The following CHST8 variants were observed in gnomAD, a reference collection of about 807,000 sequenced individuals.
CHST8 encodes carbohydrate sulfotransferase 8.
In CHST8, 10 loss-of-function variants were observed where a neutral mutation model predicts 15.0. The ratio of observed to expected loss-of-function variants is 0.67; its 90% CI spans 0.41 to 1.13. The LOEUF is 1.13. Ranked by LOEUF, CHST8 falls within the 50% of genes most tolerant of loss-of-function variation. The pLI is 0.00. For synonymous variants in CHST8, 259 were observed against 256.6 expected (o/e 1.01, Z -0.09); for missense variants, 634 against 608.2 (o/e 1.04, Z -0.45).
chr19:33,712,852 C>A (rs1477624076), intron 3 of CHST8, among the ~76,000 whole-genome samples: 1 of 152,144 alleles, frequency 6.6e-6, no homozygotes, highest in Non-Finnish European at 1.5e-5. Flanking sequence ...GCCCTGATCA[C>A]CCTCTGCCCT....
chr19:33,755,967 G>A (rs997182684), intron 3 of CHST8, among the ~76,000 whole-genome samples: 1 of 152,092 alleles, frequency 6.6e-6, no homozygotes, highest in Non-Finnish European at 1.5e-5. Flanking sequence ...GGGAATTCAG[G>A]GACCTCGGGC....
At chr19:33,636,710 G>A (rs1972208973) in intron 1 of CHST8, among the ~76,000 whole-genome samples, 1 of 152,262 alleles carries the variant, frequency 6.6e-6, no homozygotes, top group South Asian at 2.1e-4. Flanking sequence ...AGACGAGCCC[G>A]GCTAACATGG....
intron 2 of CHST8, among the ~76,000 whole-genome samples, chr19:33,679,051 T>C (rs1972849661): frequency 6.6e-6 from 1 of 152,190 alleles, no homozygotes; most frequent in Non-Finnish European, 1.5e-5. Context: ...GGGAGAGAGA[T>C]TCCCTGGAAG....
At position 33,772,280 on chromosome 19, in the gene CHST8, C is replaced by G. The variant is rs779525234; in HGVS notation, c.492C>G (p.Cys164Trp). 1.2e-6 allele frequency: 2 copies of G among 1,601,488 alleles called. No homozygotes were observed. Among genetic ancestry groups the G allele is most frequent in the Non-Finnish European group, 1.7e-6 (2 of 1,178,984 alleles). ...QERKRVMQEACAKYRASSSRR... is the reference protein window; with the variant it reads ...QERKRVMQEAWAKYRASSSRR... ...GCAAGCGGGTGATGCAGGAGGCCTG[C>G]GCCAAGTACCGGGCGAGCAGCAGCC... The change falls in exon 5 of 5, where the codon TGC becomes TGG. Residue 164 changes from cysteine to tryptophan, a missense_variant. Coordinates refer to ENST00000650847, the MANE Select transcript of CHST8 (RefSeq NM_001127895.2).
chr19:33,690,702 C>A (rs550612465), intron 3 of CHST8, among the ~76,000 whole-genome samples: 4 of 152,342 alleles, frequency 2.6e-5, no homozygotes, highest in Admixed American at 1.3e-4. Context: ...CGCTCCCAGG[C>A]GTCTGGAGCA....
intron 1 of CHST8, among the ~76,000 whole-genome samples, chr19:33,639,468 G>A (rs1313832855): frequency 2.6e-5 from 4 of 152,204 alleles, no homozygotes; most frequent in African/African-American, 9.7e-5. Flanking sequence ...CAGGTCCATT[G>A]CCTGATGCAC....
intron 2 of CHST8, among the ~76,000 whole-genome samples, chr19:33,685,394 A>G (rs1972960147): frequency 6.8e-6 from 1 of 147,214 alleles, no homozygotes; most frequent in Admixed American, 6.9e-5. Context: ...TGGTGACGCC[A>G]TTCAGGCCTG....
At chr19:33,757,084 G>A (rs912563346) in intron 3 of CHST8, among the ~76,000 whole-genome samples, 27 of 152,278 alleles carry the variant, frequency 1.8e-4, no homozygotes, top group African/African-American at 6.3e-4. Flanking sequence ...TGCTGGGCTG[G>A]GCGGAGGAAG....
intron 1 of CHST8, among the ~76,000 whole-genome samples, chr19:33,641,755 AG>A (rs912302470): frequency 1.4e-4 from 7 of 49,852 alleles, no homozygotes; most frequent in African/African-American, 5.5e-4. Flanking sequence ...GTGTGTGGGG[AG>A]GGGGGACCTG....
At chr19:33,680,427 G>A (rs1033864594) in intron 2 of CHST8, among the ~76,000 whole-genome samples, 7 of 152,228 alleles carry the variant, frequency 4.6e-5, no homozygotes, top group African/African-American at 7.2e-5. Flanking sequence ...CTAAATCTGA[G>A]ATCCTGGCTG....
chr19:33,734,520 A>T (rs1185341605), intron 3 of CHST8, among the ~76,000 whole-genome samples: 1 of 152,168 alleles, frequency 6.6e-6, no homozygotes, highest in Non-Finnish European at 1.5e-5. Context: ...ACTGTGTGAC[A>T]CAGTGGTGCT....
rs527471801 is a variant in CHST8 at position 33,758,178 on chromosome 19, C to T, written c.131-13235C>T. Reference sequence around the variant, plus strand: ...GATGACCCCTCAGCTGCAGCTGCCCCTCGGTGTTCCCTGAGATGCCAGAGA... The same window carrying T: ...GATGACCCCTCAGCTGCAGCTGCCCTTCGGTGTTCCCTGAGATGCCAGAGA... On this transcript the variant is annotated intron_variant, in intron 3 of 4. Transcript: ENST00000650847. Among the ~76,000 whole-genome samples, 21 of 151,296 alleles carry T rather than the reference C, an allele frequency of 1.4e-4. No homozygotes were observed. In the South Asian group the frequency reaches 4.4e-3, roughly 32 times the overall value.
intron 3 of CHST8, among the ~76,000 whole-genome samples, chr19:33,767,914 G>A (rs1194960653): frequency 3.3e-5 from 5 of 152,144 alleles, no homozygotes; most frequent in African/African-American, 7.2e-5. Flanking sequence ...CTTGAGAGGG[G>A]CTGGAGGTGG....
At chr19:33,686,550 C>T (rs575895019) in intron 2 of CHST8, among the ~76,000 whole-genome samples, 7 of 152,154 alleles carry the variant, frequency 4.6e-5, no homozygotes, top group Non-Finnish European at 1.0e-4. Flanking sequence ...TCCCGAGTCC[C>T]CTTTGTTCAT....
chr19:33,710,900 G>T (rs1206119564), intron 3 of CHST8, among the ~76,000 whole-genome samples: 2 of 150,154 alleles, frequency 1.3e-5, no homozygotes, highest in East Asian at 3.9e-4. Context: ...AAGGGGTAGG[G>T]TCTCACTCTG....
intron 3 of CHST8, among the ~76,000 whole-genome samples, chr19:33,721,467 A>G (rs1973787355): frequency 6.6e-6 from 1 of 152,168 alleles, no homozygotes; most frequent in Admixed American, 6.5e-5. Context: ...GGTTGGATGG[A>G]TGGACAGATG....
intron 3 of CHST8, among the ~76,000 whole-genome samples, chr19:33,768,602 C>T (rs1481893997): frequency 1.3e-5 from 2 of 152,120 alleles, no homozygotes; most frequent in African/African-American, 4.8e-5. Context: ...CAGGCATGCA[C>T]CACCACACCC....
At chr19:33,771,480 T>C (rs775825098) in intron 4 of CHST8, 30 bp downstream of exon 4, 8 of 1,610,148 alleles carry the variant, frequency 5.0e-6, no homozygotes, top group African/African-American at 1.3e-5. Flanking sequence ...TAAATCTCAG[T>C]GCACACAGCC....
chr19:33,748,045 G>T (rs988132648), intron 3 of CHST8, among the ~76,000 whole-genome samples: 6 of 152,142 alleles, frequency 3.9e-5, no homozygotes, highest in Non-Finnish European at 7.4e-5. Flanking sequence ...GTGGATGAGG[G>T]GCTGTCCACA....
Sources: gnomAD v4.1 joint callset for allele counts (sites outside exome capture counted in the v4.1 genomes callset) on GRCh38, gnomAD v4.1.1 for gene constraint, MANE v1.5 for transcripts, NCBI Gene and HGNC (gene_info 2026-07-23, HGNC 2026-07-21) for gene names.